ANKRD20A1: variants seen among roughly 807,000 people sequenced by gnomAD.
The protein encoded by ANKRD20A1 is ankyrin repeat domain-containing protein 20A1.
In ANKRD20A1, 2 loss-of-function variants were observed where a neutral mutation model predicts 50.9. The observed-to-expected ratio is 0.04, with a 90% CI of 0.02 to 0.12. The LOEUF is 0.12. Ranked by LOEUF, ANKRD20A1 falls within the 10% of genes least tolerant of loss-of-function variation. The probability of loss-of-function intolerance (pLI) is 1.00; values close to 1 mark genes in which losing one functional copy is unlikely to be tolerated. For synonymous variants in ANKRD20A1, 10 were observed against 186.2 expected, an observed-to-expected ratio of 0.05 and a Z score of 7.70; for missense variants, 31 against 548.1, an observed-to-expected ratio of 0.06 and a Z score of 9.42.
At chr9:67,867,995 G>T (rs1419746371) in intron 4 of ANKRD20A1, among the ~76,000 whole-genome samples, 1 of 120,628 alleles carries the variant, frequency 8.3e-6, no homozygotes, top group African/African-American at 2.9e-5. Flanking sequence ...TTTAGTTTAT[G>T]ACTACTAGCA....
intron 4 of ANKRD20A1, among the ~76,000 whole-genome samples, 170 bp downstream of exon 4, chr9:67,867,553 A>G (rs1470984759): frequency 1.3e-5 from 2 of 152,310 alleles, no homozygotes; most frequent in African/African-American, 2.4e-5. Context: ...AAAGAATAGT[A>G]TATAGTAGGA....
intron 9 of ANKRD20A1, among the ~76,000 whole-genome samples, 195 bp downstream of exon 9, chr9:67,884,765 C>T (rs569227489): frequency 1.2e-4 from 18 of 151,018 alleles, no homozygotes; most frequent in African/African-American, 4.1e-4. Context: ...TTGTGGGCGC[C>T]TGTAGTCCCA....
chr9:67,881,596 G>C (rs1361310333), intron 8 of ANKRD20A1, among the ~76,000 whole-genome samples: 1 of 152,268 alleles, frequency 6.6e-6, no homozygotes, highest in African/African-American at 2.4e-5. Flanking sequence ...GTGAAACCCT[G>C]TCTCTAAAAA....
chr9:67,884,794 G>A lies in ANKRD20A1; in HGVS notation c.979+224G>A, dbSNP rs539825174. Among the ~76,000 whole-genome samples the A allele has an allele frequency of 2.6e-4, 39 of 151,284 alleles. No individual in the cohort carries two copies. In the East Asian group the frequency reaches 7.2e-3, roughly 28 times the overall value. On this transcript the variant is annotated intron_variant, in intron 9 of 14. Transcript: ENST00000562196. ...AGTCCCAGCTACTCAGGAGGCTGAG[G>A]CAGGAGAATGGCTTGAACCCGGGAG...
Position 67,859,343 on chromosome 9 carries a change from C to T in ANKRD20A1, c.-84C>T. The T allele has an allele frequency of 1.2e-5, 5 of 410,896 alleles. 1 individual carries two copies. In the Admixed American group the frequency reaches 1.4e-4, roughly 11 times the overall value. The allele number at this position is 410,896 out of a possible 1,614,324, so 25.5% of individuals were successfully genotyped here. A position where few individuals can be genotyped will look rare whatever the true frequency, so the allele number is the denominator to read the frequency against. On this transcript the variant is annotated 5_prime_UTR_variant, in exon 1 of 15. Coordinates refer to ENST00000562196, the MANE Select transcript of ANKRD20A1 (RefSeq NM_032250.5). The stretch of plus-strand genomic sequence containing the variant: ...GATTTGGGGCTGGGTCGGCCGGGGT[C>T]GGGGAGGGGGGTGGTGAAAAGGTGA...
At chr9:67,885,357 T>A (rs1360687882) in intron 9 of ANKRD20A1, among the ~76,000 whole-genome samples, 1 of 152,296 alleles carries the variant, frequency 6.6e-6, no homozygotes, top group Non-Finnish European at 1.5e-5. Context: ...CTTGCTGTCA[T>A]CCTCACTACT....
chr9:67,885,486 T>C (rs1267089473), intron 9 of ANKRD20A1, among the ~76,000 whole-genome samples: 2 of 152,262 alleles, frequency 1.3e-5, no homozygotes, highest in Non-Finnish European at 2.9e-5. Context: ...ATAGAAAATG[T>C]TGTAACCTCA....
intron 6 of ANKRD20A1, among the ~76,000 whole-genome samples, chr9:67,872,652 A>G (rs1827667107): frequency 7.2e-6 from 1 of 138,892 alleles, no homozygotes. Flanking sequence ...CAGTTATACA[A>G]TTTACTTGAA....
rs1280615365 is a variant in ANKRD20A1 at position 67,881,621 on chromosome 9, A to C, written c.894+1076A>C. 4.2e-4 allele frequency among the ~76,000 whole-genome samples: 64 copies of C among 151,598 alleles called. No homozygotes were observed. The East Asian group carries it at 4.5e-3, about 11-fold the overall frequency. Reference sequence around the variant, plus strand: ...GTCTCTAAAAAAAACCAAAACCAAAACAAAACAAAACAAAAGCAGAAAAAT... The same window carrying C: ...GTCTCTAAAAAAAACCAAAACCAAACCAAAACAAAACAAAAGCAGAAAAAT... On this transcript the variant is annotated intron_variant, in intron 8 of 14. Transcript: ENST00000562196.
chr9:67,881,656 G>A (rs1175811697), intron 8 of ANKRD20A1, among the ~76,000 whole-genome samples: 52 of 152,124 alleles, frequency 3.4e-4, no homozygotes, highest in East Asian at 1.2e-3. Flanking sequence ...TTAACCAGGC[G>A]TGATGGTGCA....
At chr9:67,871,514 T>G (rs1827646593) in intron 6 of ANKRD20A1, among the ~76,000 whole-genome samples, 1 of 138,492 alleles carries the variant, frequency 7.2e-6, no homozygotes, top group South Asian at 2.4e-4. Flanking sequence ...ATAATATTTT[T>G]GCATAAATAA....
intron 3 of ANKRD20A1, among the ~76,000 whole-genome samples, chr9:67,865,453 GAGAA>G (rs1343317727): frequency 8.2e-6 from 1 of 121,404 alleles, no homozygotes; most frequent in African/African-American, 3.4e-5. Flanking sequence ...TATGATACCA[GAGAA>G]AGAAAATATT....
At chr9:67,872,666 T>C (rs1219779334) in intron 6 of ANKRD20A1, among the ~76,000 whole-genome samples, 1 of 138,278 alleles carries the variant, frequency 7.2e-6, no homozygotes, top group African/African-American at 2.7e-5. Flanking sequence ...ACTTGAATGA[T>C]GCACAATTAA....
At chr9:67,880,827 A>G (rs1827782257) in intron 8 of ANKRD20A1, among the ~76,000 whole-genome samples, 1 of 55,212 alleles carries the variant, frequency 1.8e-5, no homozygotes, top group Non-Finnish European at 4.1e-5. Flanking sequence ...TTTCTCCAAT[A>G]GAGGAAATAT....
rs767406276 is a variant in ANKRD20A1 at position 67,900,501 on chromosome 9, T to C, written c.1506T>C (p.His502=). The change falls in exon 15 of 15, where the codon CAT becomes CAC. Residue 502 remains histidine, a synonymous_variant. Transcript: ENST00000562196. ...TARNTPNWDF[H]NHEEMKGLMD... ...TCTTTTGTTTTATTTAGGATTTTCA[T>C]AATCATGAAGAAATGAAAGGTCTGA... 1 of 953,310 alleles carries C rather than the reference T, an allele frequency of 1.0e-6. No homozygotes were observed. The highest frequency in any genetic ancestry group is 1.4e-6 in the Non-Finnish European group (1 of 722,054). The allele number at this position is 953,310 out of a possible 1,614,324, so 59.1% of individuals were successfully genotyped here.
intron 11 of ANKRD20A1, among the ~76,000 whole-genome samples, chr9:67,889,761 A>G (rs1827918276): frequency 4.1e-4 from 2 of 4,838 alleles, no homozygotes; most frequent in South Asian, 5.6e-3. Flanking sequence ...TACAATTTGT[A>G]TTACTATTTA....
chr9:67,882,594 T>C (rs1189644719), intron 8 of ANKRD20A1, among the ~76,000 whole-genome samples: 1 of 149,910 alleles, frequency 6.7e-6, no homozygotes, highest in Non-Finnish European at 1.5e-5. Context: ...TTTTATTAGC[T>C]CCAACTCATG....
chr9:67,872,740 A>G (rs79838007), intron 6 of ANKRD20A1, among the ~76,000 whole-genome samples: 38 of 124,202 alleles, frequency 3.1e-4, no homozygotes, highest in African/African-American at 1.1e-3. Flanking sequence ...TACAGTGTCT[A>G]TTCATTGGTG....
chr9:67,897,793 TGAGA>T, intron 13 of ANKRD20A1, 71 bp downstream of exon 13: 9 of 711,026 alleles, frequency 1.3e-5, no homozygotes, highest in Non-Finnish European at 1.7e-5. Flanking sequence ...TTTGTTTTTT[TGAGA>T]TGGAGTTTCT....
Sources: allele counts gnomAD v4.1 joint callset (sites outside exome capture counted in the v4.1 genomes callset), GRCh38; gene constraint gnomAD v4.1.1; transcripts MANE v1.5; gene names NCBI Gene and HGNC (gene_info 2026-07-23, HGNC 2026-07-21).